The following GDNF variants were observed in gnomAD, a reference collection of about 807,000 sequenced individuals.
The protein encoded by GDNF is glial cell line-derived neurotrophic factor.
Under a neutral mutation model 13.7 loss-of-function variants are expected in GDNF, and 5 were observed. That is an observed-to-expected ratio of 0.36 (90% CI 0.19 to 0.77). The LOEUF (loss-of-function observed/expected upper bound fraction) is 0.77. Ranked by LOEUF, GDNF falls within the 30% of genes least tolerant of loss-of-function variation. GDNF has a pLI of 0.51. For missense variants in GDNF, 246 were observed against 274.3 expected, an observed-to-expected ratio of 0.90 and a Z score of 0.73; for synonymous variants, 122 against 112.5, an observed-to-expected ratio of 1.08 and a Z score of -0.53.
chr5:37,826,653 A>T (rs955628229), intron 2 of GDNF, among the ~76,000 whole-genome samples: 2 of 152,306 alleles, frequency 1.3e-5, no homozygotes, highest in Non-Finnish European at 2.9e-5. Flanking sequence ...AGACTGAGGC[A>T]CCTGGCCCTC....
Position 37,834,545 on chromosome 5 carries a change from A to T in GDNF, c.151+101T>A, listed in dbSNP as rs1440148063. 6.3e-6 allele frequency: 7 copies of T among 1,111,310 alleles called. No individual in the cohort carries two copies. The South Asian group carries it at 8.7e-5, about 14-fold the overall frequency. 68.8% of individuals were successfully genotyped at this position (1,111,310 alleles called of 1,614,324 possible). On this transcript the variant is annotated intron_variant, in intron 2 of 2. Coordinates refer to ENST00000326524, the MANE Select transcript of GDNF (RefSeq NM_000514.4). ...CCTTGCCCACGGGTCGGTAGGCCAC[A>T]CAGCCATCAGGCTGGCTTGGGGTAC...
intron 2 of GDNF, chr5:37,823,882 T>C (rs1750222364): frequency 1.8e-5 from 3 of 168,932 alleles, no homozygotes; most frequent in Admixed American, 1.3e-4. Flanking sequence ...CAGTCACCTC[T>C]GCAAGGGAGT....
At chr5:37,819,145 G>GAA (rs912256760) in intron 2 of GDNF, among the ~76,000 whole-genome samples, 3 of 152,154 alleles carry the variant, frequency 2.0e-5, no homozygotes, top group African/African-American at 7.2e-5. Flanking sequence ...TTACTAGGCG[G>GAA]AAAGAGAGTT....
At chr5:37,835,447 G>A (rs1317133413) in intron 1 of GDNF, 4 of 1,445,314 alleles carry the variant, frequency 2.8e-6, no homozygotes, top group Non-Finnish European at 3.6e-6. Flanking sequence ...ATTCTGTTGC[G>A]AGAGCAAGAA....
rs115413030 is a variant in GDNF, at chr5:37,819,126, C to T, written c.152-2991G>A. ...TACGGTAACTGCTGGCTGAATGAGT[C>T]GGGTCATTTTACTAGGCGGAAAGAG... is the stretch of plus-strand genomic sequence containing the variant. On this transcript the variant is annotated intron_variant, in intron 2 of 2. Transcript: ENST00000326524. 3.3e-3 allele frequency among the ~76,000 whole-genome samples: 499 copies of T among 152,238 alleles called. 5 individuals are homozygous for T. Among genetic ancestry groups the T allele is most frequent in the African/African-American group, 0.011 (465 of 41,554 alleles).
intron 2 of GDNF, among the ~76,000 whole-genome samples, chr5:37,827,291 T>G (rs569312669): frequency 6.6e-6 from 1 of 152,254 alleles, no homozygotes; most frequent in Non-Finnish European, 1.5e-5. Context: ...GATAACAGTA[T>G]TATATCCATG....
intron 2 of GDNF, among the ~76,000 whole-genome samples, chr5:37,824,785 T>C (rs1038237860): frequency 1.3e-5 from 2 of 152,232 alleles, no homozygotes; most frequent in Non-Finnish European, 2.9e-5. Context: ...TTCAGAAGTG[T>C]CCACAGCATC....
chr5:37,835,552 C>T (rs1750675002), intron 1 of GDNF: 1 of 1,474,420 alleles, frequency 6.8e-7, no homozygotes, highest in Non-Finnish European at 9.3e-7. Flanking sequence ...AATACTCCTC[C>T]CACCTCTTAA....
At chr5:37,836,657 C>T (rs560380839) in intron 1 of GDNF, among the ~76,000 whole-genome samples, 20 of 152,308 alleles carry the variant, frequency 1.3e-4, no homozygotes, top group African/African-American at 4.8e-4. Flanking sequence ...GCGAGCTTCC[C>T]CCCTCAAGCC....
chr5:37,820,551 CAA>C (rs1225275455), intron 2 of GDNF, among the ~76,000 whole-genome samples: 3 of 152,078 alleles, frequency 2.0e-5, no homozygotes, highest in Admixed American at 2.0e-4. Context: ...TGTATAGCAC[CAA>C]GAGTGAACCC....
chr5:37,834,659 C>A lies in GDNF; in HGVS notation c.138G>T (p.Ala46=), dbSNP rs375385439. 5.0e-6 allele frequency: 8 copies of A among 1,598,622 alleles called. No individual in the cohort carries two copies. Among genetic ancestry groups the A allele is most frequent in the South Asian group, 3.4e-5 (3 of 89,482 alleles). ...AACGGTTCTTACAGTCACTGCTCAG[C>A]GCGAAGGGCGCGCGGCGGCGGCCGA... ...RSLGRRRAPF[A]LSSDSNMPED... is the part of the protein sequence containing the mutation. Residue 46 remains alanine (A), a synonymous_variant, in exon 2 of 3, where the codon GCG becomes GCT. Transcript: ENST00000326524.
Position 37,834,694 on chromosome 5 carries a change from C to T in GDNF, c.103G>A (p.Asp35Asn), listed in dbSNP as rs1750638554. Residue 35 changes from aspartate (D) to asparagine (N), a missense_variant, in exon 2 of 3, where the codon GAC becomes AAC. By Grantham distance (23) the Asp-to-Asn change is conservative. Coordinates refer to ENST00000326524, the MANE Select transcript of GDNF (RefSeq NM_000514.4). ...GKRPPEAPAE[D>N]RSLGRRRAPF... Reference sequence around the variant, plus strand: ...GCGCGGCGGCGGCCGAGGGAGCGGTCTTCGGCGGGCGCCTCGGGAGGCCTC... The same window carrying T: ...GCGCGGCGGCGGCCGAGGGAGCGGTTTTCGGCGGGCGCCTCGGGAGGCCTC... The T allele has an allele frequency of 1.9e-6, 3 of 1,609,504 alleles. No homozygotes were observed. Among genetic ancestry groups the T allele is most frequent in the African/African-American group, 2.7e-5 (2 of 74,684 alleles).
At chr5:37,833,516 T>G (rs1750595774) in intron 2 of GDNF, among the ~76,000 whole-genome samples, 1 of 152,220 alleles carries the variant, frequency 6.6e-6, no homozygotes, top group Admixed American at 6.5e-5. Context: ...TTGCTATAAT[T>G]AAGCATAAAA....
Position 37,815,850 on chromosome 5 carries a change from CT to C in GDNF, c.436del (p.Ser146AlafsTer15). 6.2e-7 allele frequency: 1 copy of C among 1,613,928 alleles called. No individual in the cohort carries two copies. The highest frequency in any genetic ancestry group is 8.5e-7 in the Non-Finnish European group (1 of 1,179,796). On this transcript the variant is annotated frameshift_variant, in exon 3 of 3. Transcript: ENST00000326524. LOFTEE classifies it high-confidence loss of function. This position sits in a 1 kb window ranked among gnomAD's most constrained non-coding sequence, Gnocchi z 5.0. ...TGTCTCAGCTGCATCGCAAGAGCCG[CT>C]GCAGTACCTAAAAATCAGTTCCTCC... is the stretch of plus-strand genomic sequence containing the variant. ...TKEELIFRYC[S>X]GSCDAAETTY... is the part of the protein sequence containing the mutation.
chr5:37,832,126 GTCC>G (rs1345960090), intron 2 of GDNF, among the ~76,000 whole-genome samples: 1 of 152,204 alleles, frequency 6.6e-6, no homozygotes, highest in East Asian at 1.9e-4. Flanking sequence ...GTATATTCTG[GTCC>G]TCCTGTGAAA....
intron 2 of GDNF, among the ~76,000 whole-genome samples, chr5:37,817,353 T>A (rs192174518): frequency 6.6e-6 from 1 of 152,268 alleles, no homozygotes; most frequent in East Asian, 1.9e-4. Context: ...TATGCCCCCC[T>A]CACCTCATTT....
chr5:37,817,684 T>C (rs772056356), intron 2 of GDNF, among the ~76,000 whole-genome samples: 1 of 152,014 alleles, frequency 6.6e-6, no homozygotes, highest in Non-Finnish European at 1.5e-5. Flanking sequence ...TTGGAATCCG[T>C]AGAATGCCTA....
chr5:37,818,455 T>G (rs960249654), intron 2 of GDNF, among the ~76,000 whole-genome samples: 12 of 152,228 alleles, frequency 7.9e-5, no homozygotes, highest in African/African-American at 2.9e-4. Flanking sequence ...CTTTGCCTTC[T>G]GCCATGATTG....
Position 37,813,440 on chromosome 5 carries a change from T to A in GDNF, c.*2211A>T, listed in dbSNP as rs1337179729. On this transcript the variant is annotated 3_prime_UTR_variant, in exon 3 of 3. Transcript: ENST00000326524. ...ATGAAAATCCCTTTTATGAAATGCGTAACAAGCTGTAATACAGGGCCTAGT... is the reference window on the plus strand; with the variant it reads ...ATGAAAATCCCTTTTATGAAATGCGAAACAAGCTGTAATACAGGGCCTAGT... 1 of 152,034 alleles carries A rather than the reference T, an allele frequency of 6.6e-6. No homozygotes were observed. The highest frequency in any genetic ancestry group is 2.4e-5 in the African/African-American group (1 of 41,380). 9.4% of individuals were successfully genotyped at this position (152,034 alleles called of 1,614,324 possible). A position where few individuals can be genotyped will look rare whatever the true frequency, so the allele number is the denominator to read the frequency against.
Sources: gnomAD v4.1 joint callset for allele counts (sites outside exome capture counted in the v4.1 genomes callset) on GRCh38, gnomAD v4.1.1 for gene constraint, Gnocchi (gnomAD v3.1) non-coding constraint, MANE v1.5 for transcripts, NCBI Gene and HGNC (gene_info 2026-07-23, HGNC 2026-07-21) for gene names.